The following NOTCH1 variants were observed in gnomAD, a reference collection of about 807,000 sequenced individuals.
NOTCH1 encodes neurogenic locus notch homolog protein 1.
A neutral mutation model predicts 254.8 loss-of-function variants in NOTCH1; 37 were observed. The observed-to-expected ratio is 0.15, with a 90% CI of 0.11 to 0.19. The LOEUF (loss-of-function observed/expected upper bound fraction) is 0.19, where lower values mean the gene tolerates loss of function less well. Ranked by LOEUF, NOTCH1 falls within the 10% of genes least tolerant of loss-of-function variation. The pLI is 1.00. For missense variants in NOTCH1, 2,972 were observed against 3,708.6 expected (o/e 0.80, Z 5.16); for synonymous variants, 1,731 against 1,618.1 (o/e 1.07, Z -1.68).
intron 2 of NOTCH1, 90 bp from the exon 3 acceptor site, chr9:136,524,069 C>T (rs1389239867): frequency 2.0e-5 from 30 of 1,493,806 alleles, no homozygotes; most frequent in African/African-American, 5.5e-5. Flanking sequence ...TGGGCACAGC[C>T]GCCTCCCCCC....
In NOTCH1 at chr9:136,514,647, C is replaced by T. The variant is rs1165200335; in HGVS notation, c.2070G>A (p.Gly690=). The T allele has an allele frequency of 6.2e-7, 1 of 1,612,458 alleles. No homozygotes were observed. The highest frequency in any genetic ancestry group is 1.3e-5 in the African/African-American group (1 of 74,894). ...DECAGNPCHN[G]GTCEDGINGF... The stretch of plus-strand genomic sequence containing the variant: ...CATTGATGCCGTCCTCGCAGGTGCC[C>T]CCGTTGTGGCAGGGGTTGCCCGCAC... Residue 690 remains glycine (G), a synonymous_variant, in exon 13 of 34, where the codon GGG becomes GGA. Transcript: ENST00000651671.
At chr9:136,512,010 C>A (rs564312084) in intron 15 of NOTCH1, among the ~76,000 whole-genome samples, 1 of 152,370 alleles carries the variant, frequency 6.6e-6, no homozygotes, top group East Asian at 1.9e-4. Flanking sequence ...GGGCGACTTT[C>A]CAGGGCCTCT....
chr9:136,504,815 G>T lies in NOTCH1; in HGVS notation c.4876C>A (p.Leu1626Met). The change falls in exon 26 of 34, where the codon CTG becomes ATG. Residue 1626 changes from leucine (L) to methionine (M), a missense_variant. Coordinates refer to ENST00000651671, the MANE Select transcript of NOTCH1 (RefSeq NM_017617.5). ...IFPYYGREEE[L>M]RKHPIKRAAE... Reference sequence around the variant, plus strand: ...GCACGCTTGATGGGGTGCTTGCGCAGCTCCTCCTCGCGGCCGTAGTAGGGG... The same window carrying T: ...GCACGCTTGATGGGGTGCTTGCGCATCTCCTCCTCGCGGCCGTAGTAGGGG... The T allele has an allele frequency of 6.4e-7, 1 of 1,567,112 alleles. No individual in the cohort carries two copies.
rs1019786407 is a variant in NOTCH1 at position 136,494,651 on chromosome 9, G to T, written c.*1420C>A. 1 of 398,708 alleles carries T rather than the reference G, an allele frequency of 2.5e-6. No individual in the cohort carries two copies. The highest frequency in any genetic ancestry group is 4.4e-6 in the Non-Finnish European group (1 of 226,046). The allele number at this position is 398,708 out of a possible 1,614,324, so 24.7% of individuals were successfully genotyped here. A position where few individuals can be genotyped will look rare whatever the true frequency, so the allele number is the denominator to read the frequency against. Reference sequence around the variant, plus strand: ...CCACGCGGCCCCCGTAGAGCCGGGGGAGGCTGCCCTGAGGAGTGCAGGCGG... The same window carrying T: ...CCACGCGGCCCCCGTAGAGCCGGGGTAGGCTGCCCTGAGGAGTGCAGGCGG... On this transcript the variant is annotated 3_prime_UTR_variant, in exon 34 of 34. Coordinates refer to ENST00000651671, the MANE Select transcript of NOTCH1 (RefSeq NM_017617.5).
intron 2 of NOTCH1, 162 bp downstream of exon 2, chr9:136,543,862 G>T (rs1843769799): frequency 1.3e-6 from 1 of 744,460 alleles, no homozygotes; most frequent in African/African-American, 1.7e-5. Context: ...TGGTGATTAA[G>T]TAATTGCCAG....
At chr9:136,522,772 A>T in intron 4 of NOTCH1, 78 bp downstream of exon 4, 1 of 1,353,024 alleles carries the variant, frequency 7.4e-7, no homozygotes, top group Non-Finnish European at 9.8e-7. Flanking sequence ...CTGCCCCTAC[A>T]CCAGGCGCCC....
rs764798860 is a variant in NOTCH1 at position 136,500,632 on chromosome 9, C to T, written c.5854G>A (p.Ala1952Thr). 5 of 1,611,994 alleles carry T rather than the reference C, an allele frequency of 3.1e-6. No individual in the cohort carries two copies. Among genetic ancestry groups the T allele is most frequent in the Admixed American group, 1.7e-5 (1 of 60,028 alleles). The part of the protein sequence containing the change: ...DAAKRLLEAS[A>T]DANIQDNMGR... ...ATGTTGTCCTGGATGTTGGCATCTGCGCTGGCCTCCAGCAGGCGCTTGGCG... is the reference window on the plus strand; with the variant it reads ...ATGTTGTCCTGGATGTTGGCATCTGTGCTGGCCTCCAGCAGGCGCTTGGCG... The change falls in exon 31 of 34, where the codon GCA becomes ACA. Residue 1952 changes from alanine (A) to threonine (T), a missense_variant. By Grantham distance (58) the Ala-to-Thr change is moderately conservative. Transcript: ENST00000651671.
Position 136,515,364 on chromosome 9 carries a change from C to T in NOTCH1, c.1940G>A (p.Ser647Asn), listed in dbSNP as rs1843247716. 2 of 1,613,060 alleles carry T rather than the reference C, an allele frequency of 1.2e-6. No homozygotes were observed. The highest frequency in any genetic ancestry group is 4.5e-5 in the East Asian group (2 of 44,882). ...ACAGGTGCCCGAGTCGCAGGGGCTGCTGGCACAGTCATCCAGGTTGATCTC... is the reference window on the plus strand; with the variant it reads ...ACAGGTGCCCGAGTCGCAGGGGCTGTTGGCACAGTCATCCAGGTTGATCTC... ...NCEINLDDCASSPCDSGTCLD... is the reference protein window; with the variant it reads ...NCEINLDDCANSPCDSGTCLD... Residue 647 changes from serine (S) to asparagine (N), a missense_variant, in exon 12 of 34, where the codon AGC (serine) becomes AAC (asparagine). Physicochemically the swap from Ser to Asn is conservative, Grantham distance 46. This residue lies in a region of NOTCH1 where 1,343 missense variants were observed against 1,557.0 expected (regional missense o/e 0.86). Transcript: ENST00000651671.
At chr9:136,517,492 C>T in intron 8 of NOTCH1, 107 bp from the exon 9 acceptor site, 3 of 910,762 alleles carry the variant, frequency 3.3e-6, no homozygotes, top group South Asian at 1.5e-5. Context: ...CCCAGTGTCC[C>T]AGCCACCACG....
chr9:136,526,782 A>T (rs1843467004), intron 2 of NOTCH1, among the ~76,000 whole-genome samples: 1 of 152,210 alleles, frequency 6.6e-6, no homozygotes, highest in Non-Finnish European at 1.5e-5. Context: ...GGCCAGCAAG[A>T]GGAAAACACG....
intron 15 of NOTCH1, 130 bp downstream of exon 15, chr9:136,512,891 C>G (rs1311068534): frequency 3.0e-6 from 2 of 664,704 alleles, no homozygotes; most frequent in African/African-American, 1.8e-5. Flanking sequence ...ACCCTCCAGT[C>G]ACGGCTTCCC....
chr9:136,501,559 T>C (rs1005693466), intron 30 of NOTCH1, among the ~76,000 whole-genome samples, 189 bp downstream of exon 30: 2 of 150,526 alleles, frequency 1.3e-5, no homozygotes, highest in Non-Finnish European at 3.0e-5. Flanking sequence ...CAGGAAGGGG[T>C]TGGTGGAAGA....
intron 2 of NOTCH1, among the ~76,000 whole-genome samples, chr9:136,528,404 G>A (rs1358472926): frequency 8.7e-6 from 1 of 114,834 alleles, no homozygotes; most frequent in Non-Finnish European, 1.9e-5. Flanking sequence ...GGGGGGGATG[G>A]GCAGGGACAG....
Position 136,500,183 on chromosome 9 carries a change from G to A in NOTCH1, c.5934+369C>T, listed in dbSNP as rs555455828. On this transcript the variant is annotated intron_variant, in intron 31 of 33. Transcript: ENST00000651671. ...GCTTCTCACTGCCACAGGCTACGCC[G>A]GCAGCCAAGGTTGAGGGAGGGGCGG... 2.0e-5 allele frequency among the ~76,000 whole-genome samples: 3 copies of A among 152,334 alleles called. No homozygotes were observed. The South Asian group carries it at 6.2e-4, about 32-fold the overall frequency.
rs61755998 is a variant in NOTCH1 at position 136,514,582 on chromosome 9, G to A, written c.2135C>T (p.Thr712Ile). 2 of 1,608,306 alleles carry A rather than the reference G, an allele frequency of 1.2e-6. No individual in the cohort carries two copies. The highest frequency in any genetic ancestry group is 2.2e-5 in the East Asian group (1 of 44,722). ...GCACTCATTGACCTCAGACAGGCAG[G>A]TGGGGTCGTGGTAGCCCTCGGGGCA... ...CRCPEGYHDP[T>I]CLSEVNECNS... is the part of the protein sequence containing the mutation. Residue 712 changes from threonine to isoleucine, a missense_variant, in exon 13 of 34, where the codon ACC (threonine) becomes ATC (isoleucine). Coordinates refer to ENST00000651671, the MANE Select transcript of NOTCH1 (RefSeq NM_017617.5).
Position 136,496,018 on chromosome 9 carries a change from A to C in NOTCH1, c.*53T>G. ...CGGCCCTGGCATCCACAGAGCGCAC[A>C]CAGACGCCCGAAGGCTTGGGAAAGG... On this transcript the variant is annotated 3_prime_UTR_variant, in exon 34 of 34. Coordinates refer to ENST00000651671, the MANE Select transcript of NOTCH1 (RefSeq NM_017617.5). 1 of 1,563,204 alleles carries C rather than the reference A, an allele frequency of 6.4e-7. No individual in the cohort carries two copies. Among genetic ancestry groups the C allele is most frequent in the South Asian group, 1.2e-5 (1 of 86,702 alleles).
intron 2 of NOTCH1, among the ~76,000 whole-genome samples, chr9:136,529,640 C>T (rs796808248): frequency 2.2e-4 from 34 of 152,348 alleles, no homozygotes; most frequent in African/African-American, 7.9e-4. Flanking sequence ...CCCCGGGCTC[C>T]TCAAACCTGC....
intron 2 of NOTCH1, among the ~76,000 whole-genome samples, chr9:136,529,136 A>G (rs1432728377): frequency 6.6e-6 from 1 of 152,218 alleles, no homozygotes; most frequent in Non-Finnish European, 1.5e-5. Flanking sequence ...CGCCACTGAC[A>G]GTGGGCCCCA....
At chr9:136,524,019 T>C (rs2133380023) in intron 2 of NOTCH1, 40 bp from the exon 3 acceptor site, 1 of 1,535,034 alleles carries the variant, frequency 6.5e-7, no homozygotes, top group South Asian at 1.2e-5. Flanking sequence ...TCCCACCTGC[T>C]TCCCCAGCGC....
Sources: allele counts gnomAD v4.1 joint callset (sites outside exome capture counted in the v4.1 genomes callset), GRCh38; gene constraint gnomAD v4.1.1; regional missense constraint gnomAD v4.1.1; transcripts MANE v1.5; gene names NCBI Gene and HGNC (gene_info 2026-07-23, HGNC 2026-07-21).